Variants in PATJ observed in about 807,000 individuals in gnomAD.
PATJ encodes the protein PATJ crumbs cell polarity complex component.
PATJ carries 190 observed loss-of-function variants against 224.9 expected under a neutral mutation model. The ratio of observed to expected loss-of-function variants is 0.84; its 90% CI spans 0.75 to 0.95. The LOEUF (loss-of-function observed/expected upper bound fraction) is 0.95. Ranked by LOEUF, PATJ falls within the 40% of genes least tolerant of loss-of-function variation. PATJ has a pLI of 0.00. For missense variants in PATJ, 2,121 were observed against 2,270.3 expected (o/e 0.93, Z 1.34); for synonymous variants, 769 against 820.3 (o/e 0.94, Z 1.07).
intron 15 of PATJ, among the ~76,000 whole-genome samples, chr1:61,825,391 G>A (rs1479682056): frequency 6.6e-6 from 1 of 152,162 alleles, no homozygotes; most frequent in Non-Finnish European, 1.5e-5. Context: ...GAAGGACCTT[G>A]AGAAGTATTG....
chr1:61,836,852 A>G (rs1660258586), intron 17 of PATJ, among the ~76,000 whole-genome samples: 1 of 152,234 alleles, frequency 6.6e-6, no homozygotes, highest in South Asian at 2.1e-4. Context: ...GGCCAAGGCA[A>G]ATTCTTGCCC....
At chr1:62,009,785 T>C (rs1188904221) in intron 28 of PATJ, among the ~76,000 whole-genome samples, 1 of 152,106 alleles carries the variant, frequency 6.6e-6, no homozygotes, top group African/African-American at 2.4e-5. Context: ...GGAGATTTCA[T>C]GTCAAGAAAC....
rs559341652 is a variant in PATJ, at chr1:62,109,681, T to C, written c.4461+1161T>C. Among the ~76,000 whole-genome samples the C allele has an allele frequency of 7.2e-4, 109 of 152,370 alleles. 3 individuals carry two copies. The South Asian group carries it at 0.021, about 29-fold the overall frequency. Reference sequence around the variant, plus strand: ...TCAAATCAATTGGTGTTATCATAATTGGCTTTTTAAGATGAATAGATTAAA... The same window carrying C: ...TCAAATCAATTGGTGTTATCATAATCGGCTTTTTAAGATGAATAGATTAAA... On this transcript the variant is annotated intron_variant, in intron 34 of 43. Transcript: ENST00000642238.
At chr1:62,157,839 A>C (rs1259707941) in intron 43 of PATJ, among the ~76,000 whole-genome samples, 1 of 122,244 alleles carries the variant, frequency 8.2e-6, no homozygotes. Flanking sequence ...TCCAAAAAAA[A>C]AAAAAAAAAA....
At chr1:61,983,680 A>G (rs373046425) in intron 27 of PATJ, among the ~76,000 whole-genome samples, 8 of 152,080 alleles carry the variant, frequency 5.3e-5, no homozygotes, top group Non-Finnish European at 1.0e-4. Flanking sequence ...TAGATGGACT[A>G]TCTAATATAT....
At position 61,927,703 on chromosome 1, in the gene PATJ, C is replaced by A. The variant is rs776591690; in HGVS notation, c.3571-27C>A. ...AGAGCATTGTACAAGAAGCATTTAA[C>A]CCTTCTCTCAAATTTTGCATCTTCA... On this transcript the variant is annotated intron_variant, in intron 26 of 43. Transcript: ENST00000642238. The A allele has an allele frequency of 3.0e-5, 41 of 1,382,920 alleles. No homozygotes were observed. In the East Asian group the frequency reaches 9.4e-4, roughly 32 times the overall value. 85.7% of individuals were successfully genotyped at this position (1,382,920 alleles called of 1,614,324 possible).
At chr1:61,810,271 C>G (rs1342253230) in intron 14 of PATJ, among the ~76,000 whole-genome samples, 1 of 152,108 alleles carries the variant, frequency 6.6e-6, no homozygotes, top group Non-Finnish European at 1.5e-5. Context: ...CTCAGATGTA[C>G]AAAATCTGAG....
chr1:61,967,864 T>C (rs2149450733), intron 27 of PATJ, among the ~76,000 whole-genome samples: 1 of 152,338 alleles, frequency 6.6e-6, no homozygotes, highest in African/African-American at 2.4e-5. Context: ...TCTTTTATCT[T>C]GTGAGAAAAG....
At position 62,008,625 on chromosome 1, in the gene PATJ, T is replaced by A. The variant is rs1432649959; in HGVS notation, c.3868-9231T>A. ...ATGAGCCCGGTGTGTGGTGCGCACC[T>A]GTAGTCCCAGCTACTCAGGAAGCTG... On this transcript the variant is annotated intron_variant, in intron 28 of 43. Coordinates refer to ENST00000642238, the MANE Select transcript of PATJ (RefSeq NM_001350145.3). 2.0e-5 allele frequency among the ~76,000 whole-genome samples: 3 copies of A among 152,056 alleles called. No individual in the cohort carries two copies. The East Asian group carries it at 5.8e-4, about 29-fold the overall frequency.
At chr1:61,787,424 T>G (rs560148012) in intron 7 of PATJ, among the ~76,000 whole-genome samples, 1 of 152,328 alleles carries the variant, frequency 6.6e-6, no homozygotes, top group African/African-American at 2.4e-5. Context: ...GACCTTTCCT[T>G]CTTGAGGCCC....
At chr1:62,096,896 C>T (rs1047298149) in intron 33 of PATJ, among the ~76,000 whole-genome samples, 2 of 152,126 alleles carry the variant, frequency 1.3e-5, no homozygotes, top group South Asian at 2.1e-4. Context: ...GGATTACAGG[C>T]GTGAGCCACT....
In PATJ at chr1:61,881,407, A is replaced by AT. The variant is rs34051620; in HGVS notation, c.2960-2809dup. On this transcript the variant is annotated intron_variant, in intron 21 of 43. Transcript: ENST00000642238. ...TCCATGAACCACAGTTAAAACAGTT[A>AT]TTTTTTTTTTTTTTTTTTTTTGAGA... Among the ~76,000 whole-genome samples the AT allele has an allele frequency of 3.2e-3, 356 of 110,066 alleles. 4 individuals carry two copies. The highest frequency in any genetic ancestry group is 0.021 in the East Asian group (98 of 4,566). The allele number at this position is 110,066 out of a possible 152,430, so 72.2% of individuals were successfully genotyped here.
chr1:61,902,911 T>C (rs2482899), intron 24 of PATJ, among the ~76,000 whole-genome samples: 114,878 of 151,938 alleles, frequency 0.76, 43,690 homozygotes, highest in East Asian at 1. Context: ...GTGAGCCATA[T>C]AGATATATGG....
chr1:62,026,126 G>A (rs537909210), intron 29 of PATJ, among the ~76,000 whole-genome samples: 5 of 152,262 alleles, frequency 3.3e-5, no homozygotes, highest in South Asian at 2.1e-4. Context: ...TTTTATTTCC[G>A]ATTTGACATA....
chr1:62,103,397 G>A (rs181462820), intron 33 of PATJ, among the ~76,000 whole-genome samples: 1 of 152,302 alleles, frequency 6.6e-6, no homozygotes, highest in East Asian at 1.9e-4. Flanking sequence ...TGGACAAATG[G>A]GAAGTGTGTA....
chr1:61,968,140 T>C (rs906886762), intron 27 of PATJ, among the ~76,000 whole-genome samples: 7 of 152,206 alleles, frequency 4.6e-5, no homozygotes, highest in African/African-American at 1.7e-4. Context: ...ATGACAGGTG[T>C]TGTCAGCTTA....
chr1:62,064,958 G>A (rs191564840), intron 31 of PATJ, among the ~76,000 whole-genome samples: 3 of 152,350 alleles, frequency 2.0e-5, no homozygotes, highest in Non-Finnish European at 2.9e-5. Flanking sequence ...GTGTGACTGA[G>A]TCAGCACTGC....
intron 43 of PATJ, among the ~76,000 whole-genome samples, chr1:62,157,479 T>C (rs1268739350): frequency 1.3e-5 from 2 of 149,188 alleles, no homozygotes; most frequent in African/African-American, 4.8e-5. Flanking sequence ...TTAGTCAATA[T>C]GACTAATAGG....
intron 15 of PATJ, 151 bp downstream of exon 15, chr1:61,823,230 A>T: frequency 2.9e-6 from 2 of 699,972 alleles, no homozygotes; most frequent in South Asian, 4.1e-5. Context: ...TTACTGGATG[A>T]TAAAGGAAGT....
Sources: allele counts gnomAD v4.1 joint callset (sites outside exome capture counted in the v4.1 genomes callset), GRCh38; gene constraint gnomAD v4.1.1; transcripts MANE v1.5; gene names NCBI Gene and HGNC (gene_info 2026-07-23, HGNC 2026-07-21).